Variants in TRIM5 observed in about 807,000 individuals in gnomAD.
TRIM5 encodes the protein tripartite motif containing 5.
TRIM5 carries 31 observed loss-of-function variants against 35.6 expected under a neutral mutation model. The observed-to-expected ratio is 0.87, with a 90% CI of 0.65 to 1.18. The LOEUF (loss-of-function observed/expected upper bound fraction) is 1.18, where lower values mean the gene tolerates loss of function less well. Ranked by LOEUF, TRIM5 falls within the 50% of genes most tolerant of loss-of-function variation. TRIM5 has a pLI of 0.00. For synonymous variants in TRIM5, 243 were observed against 215.6 expected, an observed-to-expected ratio of 1.13 and a Z score of -1.11; for missense variants, 609 against 591.6, an observed-to-expected ratio of 1.03 and a Z score of -0.31.
chr11:5,677,996 T>C, intron 4 of TRIM5: 1 of 461,740 alleles, frequency 2.2e-6, no homozygotes, highest in Non-Finnish European at 3.8e-6. Context: ...CTACGTCAAA[T>C]TTTTCTACTG....
the TRIM5 span, among the ~76,000 whole-genome samples, chr11:5,638,785 C>A: frequency 6.6e-6 from 1 of 152,132 alleles, no homozygotes; most frequent in Non-Finnish European, 1.5e-5. Context: ...AGAATGAAGT[C>A]TAGCTGCTTT....
chr11:5,625,878 T>G, the TRIM5 span, among the ~76,000 whole-genome samples: 2 of 152,258 alleles, frequency 1.3e-5, no homozygotes, highest in Non-Finnish European at 2.9e-5. Context: ...GTTATTGCTT[T>G]TCTTTGCTCA....
rs1564924763 is a variant in TRIM5 at position 5,679,848 on chromosome 11, C to T, written c.330G>A (p.Gly110=). ...GCTCACAAAGCCAGCAAATGACCTT[C>T]CCGTCCTCCTGACAGAAGAGTAGAA... ...EKLLLFCQED[G]KVICWLCERS... Residue 110 remains glycine (G), a synonymous_variant, in exon 2 of 8, where the codon GGG becomes GGA. Transcript: ENST00000380034. 2 of 1,613,694 alleles carry T rather than the reference C, an allele frequency of 1.2e-6. No individual in the cohort carries two copies. The highest frequency in any genetic ancestry group is 1.7e-6 in the Non-Finnish European group (2 of 1,179,954).
chr11:5,608,815 T>C, the TRIM5 span, among the ~76,000 whole-genome samples: 1 of 147,512 alleles, frequency 6.8e-6, no homozygotes, highest in Non-Finnish European at 1.5e-5. Flanking sequence ...TATAGTTACC[T>C]CAAAATACAC....
intron 4 of TRIM5, chr11:5,669,907 G>C: frequency 5.2e-6 from 1 of 192,182 alleles, no homozygotes; most frequent in Non-Finnish European, 1.2e-5. Flanking sequence ...CCCAGGAGGC[G>C]GAGGTTGCAG....
intron 1 of TRIM5, 55 bp downstream of exon 1, chr11:5,684,813 G>C (rs2134156906): frequency 6.6e-6 from 1 of 152,428 alleles, no homozygotes; most frequent in Middle Eastern, 3.4e-3. Flanking sequence ...CAAGAAGTCT[G>C]TGAACTGTGT....
downstream of TRIM5, among the ~76,000 whole-genome samples, chr11:5,659,625 C>T (rs186830632): frequency 8.5e-4 from 129 of 152,258 alleles, no homozygotes; most frequent in Admixed American, 2.1e-3. Flanking sequence ...GTAAACTGCA[C>T]TAAGAATAAA....
the TRIM5 span, chr11:5,596,828 G>A: frequency 1.2e-6 from 2 of 1,612,742 alleles, no homozygotes; most frequent in Non-Finnish European, 1.7e-6. Flanking sequence ...AGGTGCCTTG[G>A]ATTGCTCTGA....
the TRIM5 span, among the ~76,000 whole-genome samples, chr11:5,629,777 G>A: frequency 6.6e-6 from 1 of 152,100 alleles, no homozygotes. Flanking sequence ...GTGCGATCTC[G>A]GCTCACTGGA....
chr11:5,623,081 G>C, the TRIM5 span, among the ~76,000 whole-genome samples: 1 of 151,134 alleles, frequency 6.6e-6, no homozygotes, highest in African/African-American at 2.4e-5. Context: ...TGAGCAAAGG[G>C]GTGACTTTGA....
the TRIM5 span, chr11:5,655,586 A>G: frequency 1.1e-6 from 1 of 938,680 alleles, no homozygotes; most frequent in Non-Finnish European, 1.3e-6. Flanking sequence ...TTTCTTGGTC[A>G]TCCTACATGA....
chr11:5,663,271 T>C lies in TRIM5; in HGVS notation c.*1538A>G. 1 of 950,618 alleles carries C rather than the reference T, an allele frequency of 1.1e-6. No homozygotes were observed. Among genetic ancestry groups the C allele is most frequent in the Non-Finnish European group, 1.3e-6 (1 of 798,306 alleles). The allele number at this position is 950,618 out of a possible 1,614,324, so 58.9% of individuals were successfully genotyped here. On this transcript the variant is annotated 3_prime_UTR_variant, in exon 8 of 8. Transcript: ENST00000380034. ...ACATCAGCTAATTTTATTATAATTA[T>C]TTTTTACAATTAATAAACTGATTCC...
the TRIM5 span, chr11:5,643,283 GA>G: frequency 6.2e-7 from 1 of 1,613,994 alleles, no homozygotes; most frequent in Non-Finnish European, 8.5e-7. Flanking sequence ...TCTCCTCTGG[GA>G]AACATTACTG....
the TRIM5 span, chr11:5,605,288 C>A: frequency 1.2e-6 from 2 of 1,611,266 alleles, no homozygotes; most frequent in Non-Finnish European, 1.7e-6. Context: ...ATAGAGGAGA[C>A]CCTCAGTGTG....
At chr11:5,639,679 C>CAAAAAAAAAA in the TRIM5 span, among the ~76,000 whole-genome samples, 34 of 51,140 alleles carry the variant, frequency 6.6e-4, 6 homozygotes, top group African/African-American at 2.4e-3. Context: ...GACTCTATTT[C>CAAAAAAAAAA]AAAAAAAAAA....
the TRIM5 span, among the ~76,000 whole-genome samples, chr11:5,641,557 TCC>T: frequency 6.6e-6 from 1 of 152,182 alleles, no homozygotes; most frequent in Admixed American, 6.5e-5. Flanking sequence ...CCTTGTCAAA[TCC>T]TAAAATAGGG....
intron 1 of TRIM5, among the ~76,000 whole-genome samples, chr11:5,681,497 G>A (rs1020144676): frequency 6.6e-5 from 10 of 152,130 alleles, no homozygotes; most frequent in Non-Finnish European, 1.3e-4. Flanking sequence ...TTCCTCTGGT[G>A]CCTCAGTAAA....
chr11:5,626,493 C>T, the TRIM5 span: 6 of 152,034 alleles, frequency 3.9e-5, no homozygotes, highest in African/African-American at 9.7e-5. Flanking sequence ...CTTAAGAATG[C>T]GAGGAAATTA....
At chr11:5,670,036 G>C (rs1650313202) in intron 4 of TRIM5, 1 of 155,294 alleles carries the variant, frequency 6.4e-6, no homozygotes, top group Non-Finnish European at 1.5e-5. Context: ...CCTCTACATT[G>C]AGTTTATTCT....
Sources: allele counts gnomAD v4.1 joint callset (sites outside exome capture counted in the v4.1 genomes callset), GRCh38; gene constraint gnomAD v4.1.1; transcripts MANE v1.5; gene names NCBI Gene and HGNC (gene_info 2026-07-23, HGNC 2026-07-21).